ZNF25: variants seen among roughly 807,000 people sequenced by gnomAD.
ZNF25 encodes zinc finger protein 25, also known as zinc finger protein 25 (KOX 19).
In ZNF25, 21 loss-of-function variants were observed where a neutral mutation model predicts 30.9. The observed-to-expected ratio is 0.68, with a 90% confidence interval of 0.48 to 0.98. The LOEUF (loss-of-function observed/expected upper bound fraction) is 0.98. ZNF25 is among the 50% of genes least tolerant of loss of function. The pLI is 0.00. For missense variants in ZNF25, 501 were observed against 529.9 expected (o/e 0.95, Z 0.54); for synonymous variants, 169 against 181.3 (o/e 0.93, Z 0.55).
chr10:37,958,308 G>A (rs910923708), intron 2 of ZNF25, among the ~76,000 whole-genome samples: 1 of 152,110 alleles, frequency 6.6e-6, no homozygotes, highest in Non-Finnish European at 1.5e-5. Flanking sequence ...CTAACTTTAG[G>A]AATAAAGAAA....
At position 37,953,740 on chromosome 10, in the gene ZNF25, T is replaced by C. The variant is rs762329074; in HGVS notation, c.257A>G (p.His86Arg). The C allele has an allele frequency of 6.8e-6, 11 of 1,614,024 alleles. No homozygotes were observed. The highest frequency in any genetic ancestry group is 8.5e-6 in the Non-Finnish European group (10 of 1,179,942). Residue 86 changes from histidine to arginine, a missense_variant, in exon 5 of 6, where the codon CAT (histidine) becomes CGT (arginine). Coordinates refer to ENST00000302609, the MANE Select transcript of ZNF25 (RefSeq NM_145011.4). ...RGFPEDLWSI[H>R]DLEARYQESQ... ...TTCCTGGTATCTTGCTTCTAGATCA[T>C]GAATGCTCCATAGGTCTTCTACAAG...
chr10:37,966,931 T>C (rs1318133531), intron 2 of ZNF25, among the ~76,000 whole-genome samples: 1 of 152,178 alleles, frequency 6.6e-6, no homozygotes, highest in East Asian at 1.9e-4. Context: ...GATTCAAATA[T>C]ATGCCTTCTA....
Position 37,971,774 on chromosome 10 carries a change from A to C in ZNF25, c.-52T>G, listed in dbSNP as rs776681221. 2.5e-6 allele frequency: 4 copies of C among 1,613,954 alleles called. No individual in the cohort carries two copies. The highest frequency in any genetic ancestry group is 3.4e-6 in the Non-Finnish European group (4 of 1,179,904). ...AAACTGCAAAGCCAGAGCAGAAATC[A>C]TAAGGGACCTTAGCTGGCAGCCCCA... On this transcript the variant is annotated 5_prime_UTR_variant, in exon 2 of 6. The change abolishes an upstream ATG in the 5' untranslated region. Transcript: ENST00000302609.
At chr10:37,968,273 G>T (rs2063298098) in intron 2 of ZNF25, among the ~76,000 whole-genome samples, 1 of 151,892 alleles carries the variant, frequency 6.6e-6, no homozygotes. Flanking sequence ...GGCCAGGCCT[G>T]TCTCAAACTC....
chr10:37,960,785 T>C (rs925729767), intron 2 of ZNF25, among the ~76,000 whole-genome samples: 1 of 151,648 alleles, frequency 6.6e-6, no homozygotes, highest in Non-Finnish European at 1.5e-5. Flanking sequence ...GACTTACAAA[T>C]AAGGGACAGC....
chr10:37,953,609 T>C (rs1172991582), intron 5 of ZNF25, 86 bp downstream of exon 5: 7 of 1,263,674 alleles, frequency 5.5e-6, no homozygotes, highest in Non-Finnish European at 8.0e-6. Context: ...ACGTTTAGTA[T>C]TAACTAGTGC....
chr10:37,951,547 T>C lies in ZNF25; in HGVS notation c.*580A>G, dbSNP rs901339512. 1 of 152,234 alleles carries C rather than the reference T, an allele frequency of 6.6e-6. No homozygotes were observed. The highest frequency in any genetic ancestry group is 2.4e-5 in the African/African-American group (1 of 41,456). The allele number at this position is 152,234 out of a possible 1,614,324, so 9.4% of individuals were successfully genotyped here. A position where few individuals can be genotyped will look rare whatever the true frequency, so the allele number is the denominator to read the frequency against. On this transcript the variant is annotated 3_prime_UTR_variant, in exon 6 of 6. Transcript: ENST00000302609. ...GTATAACTGTTTCCCTCAGTACAAA[T>C]TATTTGAATTTTTATTGAACACCTT...
Position 37,976,558 on chromosome 10 carries a change from T to G in ZNF25, c.-138A>C. On this transcript the variant is annotated 5_prime_UTR_variant, in exon 1 of 6. Coordinates refer to ENST00000302609, the MANE Select transcript of ZNF25 (RefSeq NM_145011.4). ...CCCGCGCCGGGCCCAGGCCCCGCCC[T>G]TTGCGGCCCAGCCCAGACCCGGAGG... The G allele has an allele frequency of 6.6e-6, 1 of 152,490 alleles. No individual in the cohort carries two copies. The highest frequency in any genetic ancestry group is 1.9e-4 in the East Asian group (1 of 5,180). The allele number at this position is 152,490 out of a possible 1,614,324, so 9.4% of individuals were successfully genotyped here. A position where few individuals can be genotyped will look rare whatever the true frequency, so the allele number is the denominator to read the frequency against.
At chr10:37,968,264 G>T (rs2063297812) in intron 2 of ZNF25, among the ~76,000 whole-genome samples, 1 of 151,692 alleles carries the variant, frequency 6.6e-6, no homozygotes, top group Non-Finnish European at 1.5e-5. Context: ...CACCGTATTG[G>T]CCAGGCCTGT....
intron 1 of ZNF25, among the ~76,000 whole-genome samples, chr10:37,974,955 T>C (rs1241434956): frequency 2.6e-5 from 4 of 152,186 alleles, no homozygotes; most frequent in Non-Finnish European, 5.9e-5. Context: ...AATTTTGTCA[T>C]TGCAGCAACA....
chr10:37,961,492 C>T (rs926695529), intron 2 of ZNF25, among the ~76,000 whole-genome samples: 2 of 151,798 alleles, frequency 1.3e-5, no homozygotes, highest in African/African-American at 4.8e-5. Flanking sequence ...ATTTTTCATT[C>T]AAGGATGATA....
intron 2 of ZNF25, 105 bp from the exon 3 acceptor site, chr10:37,957,651 C>G (rs1036736845): frequency 1.6e-6 from 2 of 1,288,962 alleles, no homozygotes; most frequent in Non-Finnish European, 2.1e-6. Context: ...AAAGTTCATT[C>G]TGGAGAGTTA....
At chr10:37,968,994 G>GA (rs1330886348) in intron 2 of ZNF25, among the ~76,000 whole-genome samples, 1 of 151,462 alleles carries the variant, frequency 6.6e-6, no homozygotes. Context: ...AAGCACACTA[G>GA]AAAAAAAATA....
Position 37,971,768 on chromosome 10 carries a change from G to C in ZNF25, c.-46C>G. On this transcript the variant is annotated 5_prime_UTR_variant, in exon 2 of 6. Transcript: ENST00000302609. ...GGCTGAAAACTGCAAAGCCAGAGCA[G>C]AAATCATAAGGGACCTTAGCTGGCA... The C allele has an allele frequency of 6.2e-7, 1 of 1,613,942 alleles. No individual in the cohort carries two copies. The highest frequency in any genetic ancestry group is 1.1e-5 in the South Asian group (1 of 91,080).
intron 2 of ZNF25, among the ~76,000 whole-genome samples, chr10:37,959,611 T>C (rs2062732588): frequency 6.6e-6 from 1 of 152,002 alleles, no homozygotes. Flanking sequence ...GTTCATTTTT[T>C]TTTTCTTTTT....
intron 2 of ZNF25, among the ~76,000 whole-genome samples, chr10:37,960,623 CAAAAAAAA>C (rs201582068): frequency 1.5e-5 from 1 of 65,724 alleles, no homozygotes; most frequent in African/African-American, 6.8e-5. Context: ...GACTCCATCT[CAAAAAAAA>C]AAAAAAAAAA....
intron 4 of ZNF25, among the ~76,000 whole-genome samples, chr10:37,954,024 A>G (rs951407135): frequency 2.6e-5 from 4 of 152,192 alleles, no homozygotes; most frequent in African/African-American, 4.8e-5. Context: ...GTTAAAGACA[A>G]AAAAAGAACC....
chr10:37,961,616 CAAATCAGAT>C (rs2062875926), intron 2 of ZNF25, among the ~76,000 whole-genome samples: 1 of 152,076 alleles, frequency 6.6e-6, no homozygotes, highest in South Asian at 2.1e-4. Flanking sequence ...AATCACATGG[CAAATCAGAT>C]ATAAAAGCTA....
rs372099590 is a variant in ZNF25, at chr10:37,953,117, G to C, written c.381C>G (p.Phe127Leu). Residue 127 changes from phenylalanine (F) to leucine (L), a missense_variant, in exon 6 of 6, where the codon TTC becomes TTG. By Grantham distance (22) the Phe-to-Leu change is conservative. Coordinates refer to ENST00000302609, the MANE Select transcript of ZNF25 (RefSeq NM_145011.4). ...ACECKECGKF[F>L]CQKSALIVHQ... ...GTACTATGAGGGCAGACTTCTGGCAGAAGAACTTCCCACATTCCTTACATT... is the reference window on the plus strand; with the variant it reads ...GTACTATGAGGGCAGACTTCTGGCACAAGAACTTCCCACATTCCTTACATT... 3.7e-6 allele frequency: 6 copies of C among 1,613,128 alleles called. No homozygotes were observed. The highest frequency in any genetic ancestry group is 5.1e-6 in the Non-Finnish European group (6 of 1,179,806).
Sources: allele counts gnomAD v4.1 joint callset (sites outside exome capture counted in the v4.1 genomes callset), GRCh38; gene constraint gnomAD v4.1.1; transcripts MANE v1.5; gene names NCBI Gene and HGNC (gene_info 2026-07-23, HGNC 2026-07-21).